The following NFIL3 variants were observed in gnomAD, a reference collection of about 807,000 sequenced individuals.
NFIL3 encodes nuclear factor, interleukin 3 regulated, also known as nuclear factor interleukin-3-regulated protein.
A neutral mutation model predicts 10.0 loss-of-function variants in NFIL3; 5 were observed. That is an observed-to-expected ratio of 0.50 (90% CI 0.26 to 1.06). The LOEUF is 1.06. Among genes scored for constraint, NFIL3 ranks in the 50% least tolerant of loss-of-function variants. The pLI is 0.13. For missense variants in NFIL3, 436 were observed against 547.6 expected (o/e 0.80, Z 2.03); for synonymous variants, 202 against 206.5 (o/e 0.98, Z 0.19).
chr9:91,410,921 T>TAAA lies in NFIL3; in HGVS notation c.-172-18_-172-16dup. ...TCCTTCGTTATCTGCAATACATGAA[T>TAAA]AAAAAAAAAACCAGTTATTCACTGG... On this transcript the variant is annotated splice_polypyrimidine_tract_variant and intron_variant, in intron 1 of 1. Coordinates refer to ENST00000297689, the MANE Select transcript of NFIL3 (RefSeq NM_005384.3). The surrounding 1 kb of genome is among the most constrained non-coding windows in gnomAD (Gnocchi z 5.7). The TAAA allele has an allele frequency of 2.2e-6, 1 of 464,432 alleles. No homozygotes were observed. Among genetic ancestry groups the TAAA allele is most frequent in the Non-Finnish European group, 3.8e-6 (1 of 260,032 alleles). The allele number at this position is 464,432 out of a possible 1,614,324, so 28.8% of individuals were successfully genotyped here. A position where few individuals can be genotyped will look rare whatever the true frequency, so the allele number is the denominator to read the frequency against.
Position 91,409,727 on chromosome 9 carries a change from G to T in NFIL3, c.1008C>A (p.Ile336=). 1 of 1,614,182 alleles carries T rather than the reference G, an allele frequency of 6.2e-7. No homozygotes were observed. Among genetic ancestry groups the T allele is most frequent in the Non-Finnish European group, 8.5e-7 (1 of 1,180,040 alleles). Residue 336 remains isoleucine, a synonymous_variant, in exon 2 of 2, where the codon ATC becomes ATA. Coordinates refer to ENST00000297689, the MANE Select transcript of NFIL3 (RefSeq NM_005384.3). ...KLRIKAKAMQ[I]KVEAFDNEFE... ...ATTCATTATCAAAGGCTTCTACTTTGATCTGCATGGCTTTGGCTTTGATCC... is the reference window on the plus strand; with the variant it reads ...ATTCATTATCAAAGGCTTCTACTTTTATCTGCATGGCTTTGGCTTTGATCC...
upstream of NFIL3, among the ~76,000 whole-genome samples, chr9:91,427,736 G>C (rs1002065393): frequency 2.0e-5 from 3 of 151,988 alleles, no homozygotes; most frequent in African/African-American, 7.3e-5. Flanking sequence ...ACCCCCCCAG[G>C]CTCAAGCAAA....
the NFIL3 span, among the ~76,000 whole-genome samples, chr9:91,433,121 A>G: frequency 1.3e-5 from 2 of 152,226 alleles, no homozygotes; most frequent in African/African-American, 4.8e-5. Context: ...CCATATGTTC[A>G]TTTACTTATG....
chr9:91,469,900 A>G, the NFIL3 span, among the ~76,000 whole-genome samples: 1 of 151,734 alleles, frequency 6.6e-6, no homozygotes, highest in African/African-American at 2.4e-5. Flanking sequence ...CATGGTGGAT[A>G]AGCTTTTTGA....
chr9:91,428,005 TCTC>T (rs1833888566), upstream of NFIL3, among the ~76,000 whole-genome samples: 1 of 152,086 alleles, frequency 6.6e-6, no homozygotes, highest in African/African-American at 2.4e-5. Flanking sequence ...TTAGTGAGGT[TCTC>T]CTCCCCACGC....
Position 91,409,434 on chromosome 9 carries a change from T to C in NFIL3, c.1301A>G (p.Lys434Arg). 1 of 1,614,140 alleles carries C rather than the reference T, an allele frequency of 6.2e-7. No homozygotes were observed. The highest frequency in any genetic ancestry group is 8.5e-7 in the Non-Finnish European group (1 of 1,180,016). ...KVSDPENLYL[K>R]QGIANLSAEV... ...TGCAGATAAGTTTGCTATCCCCTGC[T>C]TCAAATACAAGTTCTCTGGGTCAGA... The change falls in exon 2 of 2, where the codon AAG becomes AGG. Residue 434 changes from lysine to arginine, a missense_variant. Lys to Arg is a conservative substitution (Grantham distance 26). Around this residue, in one of 3 missense-constraint regions of NFIL3, gnomAD observed 338 missense variants for 399.9 expected, o/e 0.85. Coordinates refer to ENST00000297689, the MANE Select transcript of NFIL3 (RefSeq NM_005384.3).
chr9:91,473,512 G>C, the NFIL3 span, among the ~76,000 whole-genome samples: 3 of 152,260 alleles, frequency 2.0e-5, no homozygotes, highest in Non-Finnish European at 2.9e-5. Context: ...GACCCGCCGA[G>C]CCAGGCATGG....
the NFIL3 span, among the ~76,000 whole-genome samples, chr9:91,468,616 C>T: frequency 1.3e-5 from 2 of 152,100 alleles, no homozygotes; most frequent in Non-Finnish European, 2.9e-5. Context: ...CTTGCCCATG[C>T]CTATGTCCTG....
chr9:91,442,283 C>T, the NFIL3 span, among the ~76,000 whole-genome samples: 1 of 152,142 alleles, frequency 6.6e-6, no homozygotes, highest in South Asian at 2.1e-4. Context: ...TCTTGGCTTA[C>T]AAGGTTTTTG....
intron 1 of NFIL3, among the ~76,000 whole-genome samples, chr9:91,417,904 G>A (rs1833688288): frequency 6.6e-6 from 1 of 152,130 alleles, no homozygotes; most frequent in Non-Finnish European, 1.5e-5. Flanking sequence ...GTAAATAAAT[G>A]TGTCAAAGCC....
At chr9:91,426,759 T>G (rs1833877567), upstream of NFIL3, 1 of 152,216 alleles carries the variant, frequency 6.6e-6, no homozygotes, top group Non-Finnish European at 1.5e-5. Context: ...TTCTCCTTAC[T>G]AAAATGGGAA....
the NFIL3 span, among the ~76,000 whole-genome samples, chr9:91,472,313 C>T: frequency 3.0e-4 from 46 of 152,264 alleles, no homozygotes; most frequent in African/African-American, 9.9e-4. Flanking sequence ...CAACTTGGTT[C>T]CATTCTCCCC....
chr9:91,439,605 C>T, the NFIL3 span, among the ~76,000 whole-genome samples: 2 of 152,074 alleles, frequency 1.3e-5, no homozygotes, highest in African/African-American at 4.8e-5. Flanking sequence ...GGTGGAAAAG[C>T]TTTCAGTTTT....
chr9:91,444,479 T>C, the NFIL3 span, among the ~76,000 whole-genome samples: 1 of 152,178 alleles, frequency 6.6e-6, no homozygotes, highest in Non-Finnish European at 1.5e-5. Flanking sequence ...GTTCCTTTGA[T>C]GGTATCATAT....
chr9:91,427,885 A>G (rs572576987), upstream of NFIL3, among the ~76,000 whole-genome samples: 36 of 152,150 alleles, frequency 2.4e-4, no homozygotes, highest in African/African-American at 7.9e-4. Flanking sequence ...GGCTCAAGCA[A>G]TCCTCCCACC....
chr9:91,443,749 G>A, the NFIL3 span, among the ~76,000 whole-genome samples: 5 of 152,162 alleles, frequency 3.3e-5, no homozygotes, highest in Admixed American at 6.5e-5. Context: ...AACTCAGAAG[G>A]GGGCAGGGCT....
At chr9:91,473,507 G>A in the NFIL3 span, among the ~76,000 whole-genome samples, 9 of 152,336 alleles carry the variant, frequency 5.9e-5, no homozygotes, top group East Asian at 1.2e-3. Context: ...CGTGGGACCC[G>A]CCGAGCCAGG....
intron 1 of NFIL3, among the ~76,000 whole-genome samples, chr9:91,412,098 C>CAAAAAAA (rs56891881): frequency 1.3e-5 from 1 of 76,868 alleles, no homozygotes; most frequent in Non-Finnish European, 2.6e-5. Flanking sequence ...AAGACTCTGT[C>CAAAAAAA]AAAAAAAAAA....
chr9:91,459,692 AAAAC>A, the NFIL3 span, among the ~76,000 whole-genome samples: 1 of 152,330 alleles, frequency 6.6e-6, no homozygotes, highest in East Asian at 1.9e-4. Flanking sequence ...CTTAAAACAA[AAAAC>A]AAACAAATAA....
Sources: allele counts gnomAD v4.1 joint callset (sites outside exome capture counted in the v4.1 genomes callset), GRCh38; gene constraint gnomAD v4.1.1; regional missense constraint gnomAD v4.1.1; non-coding constraint Gnocchi (gnomAD v3.1); transcripts MANE v1.5; gene names NCBI Gene and HGNC (gene_info 2026-07-23, HGNC 2026-07-21).